The following PDE8A variants were observed in gnomAD, a reference collection of about 807,000 sequenced individuals.
PDE8A encodes high affinity cAMP-specific and IBMX-insensitive 3',5'-cyclic phosphodiesterase 8A.
PDE8A carries 59 observed loss-of-function variants against 105.0 expected under a neutral mutation model. The ratio of observed to expected loss-of-function variants is 0.56; its 90% CI spans 0.46 to 0.70. The LOEUF (loss-of-function observed/expected upper bound fraction) is 0.70, where lower values mean the gene tolerates loss of function less well. PDE8A is among the 30% of genes least tolerant of loss of function. The pLI, the probability that PDE8A is intolerant of heterozygous loss-of-function variation, is 0.00. For missense variants in PDE8A, 1,014 were observed against 1,045.9 expected (o/e 0.97, Z 0.42); for synonymous variants, 355 against 371.9 (o/e 0.95, Z 0.52).
chr15:85,110,457 CA>C (rs1318710731), intron 12 of PDE8A, among the ~76,000 whole-genome samples: 1 of 152,144 alleles, frequency 6.6e-6, no homozygotes, highest in African/African-American at 2.4e-5. Context: ...CACACACAAA[CA>C]CATTATTAAC....
chr15:85,125,631 A>C (rs1463438369), intron 19 of PDE8A, among the ~76,000 whole-genome samples: 1 of 152,188 alleles, frequency 6.6e-6, no homozygotes, highest in Non-Finnish European at 1.5e-5. Context: ...GCTTACCATT[A>C]GATCTTCTTG....
intron 7 of PDE8A, among the ~76,000 whole-genome samples, chr15:85,090,494 G>A (rs2081623480): frequency 6.6e-6 from 1 of 152,046 alleles, no homozygotes; most frequent in African/African-American, 2.4e-5. Flanking sequence ...CCTTACATTT[G>A]TAATTACTTC....
At chr15:85,008,200 G>A (rs1307916642) in intron 1 of PDE8A, among the ~76,000 whole-genome samples, 2 of 151,950 alleles carry the variant, frequency 1.3e-5, no homozygotes, top group Admixed American at 6.6e-5. Flanking sequence ...TTTGCAGAAA[G>A]TCCTATTCCA....
rs372411736 is a variant in PDE8A at position 85,137,943 on chromosome 15, G to C, written c.*40G>C. ...CAGAGCCCTGAAGCTTTGTTCCTTC[G>C]GTCATTTGGAATTCCTGAGGGCAGC... On this transcript the variant is annotated 3_prime_UTR_variant, in exon 22 of 22. Transcript: ENST00000394553. 5.0e-5 allele frequency: 65 copies of C among 1,307,404 alleles called. No homozygotes were observed. Among genetic ancestry groups the C allele is most frequent in the Non-Finnish European group, 6.9e-5 (62 of 904,286 alleles). The allele number at this position is 1,307,404 out of a possible 1,614,324, so 81.0% of individuals were successfully genotyped here. A position where few individuals can be genotyped will look rare whatever the true frequency, so the allele number is the denominator to read the frequency against.
chr15:85,060,961 TCTTG>T (rs2081134975), intron 1 of PDE8A, among the ~76,000 whole-genome samples: 1 of 152,228 alleles, frequency 6.6e-6, no homozygotes, highest in Non-Finnish European at 1.5e-5. Context: ...CTTGAACATT[TCTTG>T]CAGGGCATAT....
intron 12 of PDE8A, among the ~76,000 whole-genome samples, chr15:85,111,266 T>A (rs2082016773): frequency 6.6e-6 from 1 of 152,246 alleles, no homozygotes; most frequent in Admixed American, 6.5e-5. Context: ...CTTGCGCTTT[T>A]TATGTCCTAT....
chr15:85,067,960 C>T (rs1457531872), intron 3 of PDE8A, among the ~76,000 whole-genome samples: 1 of 152,168 alleles, frequency 6.6e-6, no homozygotes, highest in Non-Finnish European at 1.5e-5. Context: ...TGGCCTTGAT[C>T]TAGTGCCTGA....
intron 11 of PDE8A, among the ~76,000 whole-genome samples, chr15:85,101,416 G>T (rs1050563880): frequency 2.0e-5 from 3 of 152,202 alleles, no homozygotes; most frequent in African/African-American, 7.2e-5. Context: ...ATAAAAACAG[G>T]CATAGAAGGG....
At chr15:85,050,012 G>A (rs1336869685) in intron 1 of PDE8A, among the ~76,000 whole-genome samples, 3 of 152,124 alleles carry the variant, frequency 2.0e-5, no homozygotes, top group African/African-American at 4.8e-5. Flanking sequence ...TCTGGTAGTA[G>A]TGTGAGGTGG....
intron 1 of PDE8A, among the ~76,000 whole-genome samples, chr15:84,982,644 T>A (rs1407515538): frequency 1.3e-5 from 2 of 152,182 alleles, no homozygotes; most frequent in African/African-American, 2.4e-5. Context: ...GATGTGAAGT[T>A]GACTGAGGCG....
At chr15:85,075,582 G>T (rs1303377047) in intron 3 of PDE8A, among the ~76,000 whole-genome samples, 1 of 152,202 alleles carries the variant, frequency 6.6e-6, no homozygotes, top group African/African-American at 2.4e-5. Context: ...AAACAATGCA[G>T]GTTAACAAAG....
chr15:85,123,686 C>T (rs995838293), intron 19 of PDE8A, among the ~76,000 whole-genome samples: 2 of 152,206 alleles, frequency 1.3e-5, no homozygotes, highest in Non-Finnish European at 2.9e-5. Flanking sequence ...TCTCTTTTGG[C>T]AACACTCTCA....
intron 1 of PDE8A, among the ~76,000 whole-genome samples, chr15:85,011,171 G>A (rs975999585): frequency 6.6e-6 from 1 of 152,132 alleles, no homozygotes; most frequent in Non-Finnish European, 1.5e-5. Context: ...TAGATATGGG[G>A]AAGTGGCACG....
At chr15:85,047,769 G>A (rs1372090545) in intron 1 of PDE8A, among the ~76,000 whole-genome samples, 2 of 152,126 alleles carry the variant, frequency 1.3e-5, no homozygotes, top group Non-Finnish European at 2.9e-5. Context: ...ATTCAGGATT[G>A]TTTACCTAGG....
At chr15:85,069,873 G>A (rs904961191) in intron 3 of PDE8A, among the ~76,000 whole-genome samples, 2 of 152,154 alleles carry the variant, frequency 1.3e-5, no homozygotes, top group East Asian at 1.9e-4. Context: ...GTAGGGATGG[G>A]TCCTTGTGCT....
intron 1 of PDE8A, among the ~76,000 whole-genome samples, chr15:85,056,155 G>A (rs1017865506): frequency 6.6e-6 from 1 of 152,188 alleles, no homozygotes; most frequent in Non-Finnish European, 1.5e-5. Context: ...CTTCTGGCTT[G>A]TAGAGTTTCT....
intron 1 of PDE8A, among the ~76,000 whole-genome samples, chr15:85,033,031 GAGAA>G (rs2080641516): frequency 6.6e-6 from 1 of 152,186 alleles, no homozygotes; most frequent in African/African-American, 2.4e-5. Context: ...GCAGCTAGGA[GAGAA>G]AGAAACAGAA....
chr15:85,028,279 A>G (rs903710449), intron 1 of PDE8A, among the ~76,000 whole-genome samples: 10 of 152,140 alleles, frequency 6.6e-5, no homozygotes, highest in Non-Finnish European at 1.5e-5. Context: ...TAGTGGTGTG[A>G]TTATAGCTCA....
chr15:85,135,207 G>A (rs2082389773), intron 20 of PDE8A, among the ~76,000 whole-genome samples: 1 of 152,152 alleles, frequency 6.6e-6, no homozygotes, highest in Non-Finnish European at 1.5e-5. Context: ...CCATTTGGGA[G>A]CTGGAAGTTC....
Sources: gnomAD v4.1 joint callset for allele counts (sites outside exome capture counted in the v4.1 genomes callset) on GRCh38, gnomAD v4.1.1 for gene constraint, MANE v1.5 for transcripts, NCBI Gene and HGNC (gene_info 2026-07-23, HGNC 2026-07-21) for gene names.